Variants in B3GLCT observed in about 807,000 individuals in gnomAD.
The protein encoded by B3GLCT is beta 3-glucosyltransferase, also known as beta-1,3-glucosyltransferase.
Under a neutral mutation model 63.4 loss-of-function variants are expected in B3GLCT, and 65 were observed. The observed-to-expected ratio is 1.03, with a 90% CI of 0.84 to 1.26. The LOEUF (loss-of-function observed/expected upper bound fraction) is 1.26. B3GLCT is among the 50% of genes most tolerant of loss of function. The pLI, the probability that B3GLCT is intolerant of heterozygous loss-of-function variation, is 0.00. For synonymous variants in B3GLCT, 233 were observed against 219.2 expected (o/e 1.06, Z -0.55); for missense variants, 577 against 604.8 (o/e 0.95, Z 0.48).
chr13:31,295,270 T>G (rs1004124611), intron 12 of B3GLCT, among the ~76,000 whole-genome samples: 1 of 152,184 alleles, frequency 6.6e-6, no homozygotes, highest in African/African-American at 2.4e-5. Flanking sequence ...GGGAGGTGTC[T>G]CCCAGTCAGG....
intron 4 of B3GLCT, among the ~76,000 whole-genome samples, chr13:31,233,499 G>C (rs531557673): frequency 3.9e-5 from 6 of 152,242 alleles, no homozygotes; most frequent in Admixed American, 3.9e-4. Flanking sequence ...TGGGGAGGCA[G>C]CTCTGCTCCA....
chr13:31,268,835 C>T (rs540934111), intron 7 of B3GLCT, among the ~76,000 whole-genome samples: 2 of 152,296 alleles, frequency 1.3e-5, no homozygotes, highest in African/African-American at 2.4e-5. Flanking sequence ...AAGTGAGAAA[C>T]AAAAAGTGGC....
At chr13:31,289,942 G>A (rs977291925) in intron 12 of B3GLCT, among the ~76,000 whole-genome samples, 10 of 151,410 alleles carry the variant, frequency 6.6e-5, no homozygotes, top group Non-Finnish European at 8.8e-5. Context: ...AGGTATACAC[G>A]TGCCATGGTG....
chr13:31,232,994 C>T (rs114979306), intron 4 of B3GLCT, among the ~76,000 whole-genome samples: 6,339 of 152,224 alleles, frequency 0.042, 149 homozygotes, highest in Non-Finnish European at 0.05. Flanking sequence ...GCCGTATGTA[C>T]GCATGCATGC....
chr13:31,276,103 G>A (rs1414515453), intron 9 of B3GLCT, among the ~76,000 whole-genome samples: 1 of 152,140 alleles, frequency 6.6e-6, no homozygotes, highest in African/African-American at 2.4e-5. Flanking sequence ...TGTGTGATCA[G>A]CCTGGGCTCC....
At chr13:31,272,126 A>G (rs1038939997) in intron 8 of B3GLCT, among the ~76,000 whole-genome samples, 4 of 151,928 alleles carry the variant, frequency 2.6e-5, no homozygotes, top group Non-Finnish European at 5.9e-5. Context: ...TTTAAACCAG[A>G]TAGCAAATTT....
At chr13:31,252,780 A>G (rs1263883351) in intron 6 of B3GLCT, among the ~76,000 whole-genome samples, 8 of 152,196 alleles carry the variant, frequency 5.3e-5, no homozygotes, top group Non-Finnish European at 8.8e-5. Flanking sequence ...TTAACACCCC[A>G]CTGTCAGTAT....
intron 4 of B3GLCT, among the ~76,000 whole-genome samples, chr13:31,245,691 A>G (rs1268068690): frequency 1.3e-5 from 2 of 152,152 alleles, no homozygotes; most frequent in East Asian, 3.8e-4. Context: ...TTTACCCATA[A>G]TTATTCCAAA....
At chr13:31,244,483 ACT>A (rs1243515458) in intron 4 of B3GLCT, among the ~76,000 whole-genome samples, 2 of 152,094 alleles carry the variant, frequency 1.3e-5, no homozygotes, top group South Asian at 2.1e-4. Flanking sequence ...CAAGAGCGAA[ACT>A]CTGTCTCCAA....
chr13:31,238,045 G>T (rs1405995525), intron 4 of B3GLCT, among the ~76,000 whole-genome samples: 1 of 152,190 alleles, frequency 6.6e-6, no homozygotes, highest in Non-Finnish European at 1.5e-5. Flanking sequence ...AATACCAGAT[G>T]TCTAGAACTG....
At chr13:31,262,964 A>G (rs774623725) in intron 7 of B3GLCT, among the ~76,000 whole-genome samples, 4 of 152,166 alleles carry the variant, frequency 2.6e-5, no homozygotes, top group South Asian at 2.1e-4. Flanking sequence ...CCCATGTGCT[A>G]TGAAGTCCCT....
intron 12 of B3GLCT, among the ~76,000 whole-genome samples, chr13:31,316,267 C>CTT (rs1221685185): frequency 6.6e-6 from 1 of 151,240 alleles, no homozygotes; most frequent in Non-Finnish European, 1.5e-5. Flanking sequence ...GCCGCAAGCA[C>CTT]TTAATACCAG....
intron 3 of B3GLCT, among the ~76,000 whole-genome samples, chr13:31,223,552 T>G (rs1869937396): frequency 6.6e-6 from 1 of 152,168 alleles, no homozygotes; most frequent in African/African-American, 2.4e-5. Context: ...ATTCCTTATT[T>G]GTACTCCTTT....
At position 31,261,012 on chromosome 13, in the gene B3GLCT, G is replaced by A. The variant is rs748104539; in HGVS notation, c.526G>A (p.Glu176Lys). 25 of 1,613,632 alleles carry A rather than the reference G, an allele frequency of 1.5e-5. No homozygotes were observed. The highest frequency in any genetic ancestry group is 1.6e-4 in the Middle Eastern group (1 of 6,078). Residue 176 changes from glutamate to lysine, a missense_variant, in exon 7 of 15, where the codon GAG (glutamate) becomes AAG (lysine). Transcript: ENST00000343307. The stretch of plus-strand genomic sequence containing the variant: ...AATAATTCACCATTATGCCTTTTCC[G>A]AGAATCCTACAGTTTTTAAGTATCC... ...ATIIHHYAFS[E>K]NPTVFKYPDF...
At position 31,276,666 on chromosome 13, in the gene B3GLCT, C is replaced by CACAT. The variant is rs137981677; in HGVS notation, c.781-34_781-31dup. ...TGTGGGTGTGAAGTTAACGCTGACT[C>CACAT]ACATATGCATACATTTTTTCTTTTC... On this transcript the variant is annotated intron_variant, in intron 9 of 14. Transcript: ENST00000343307. 0.17 allele frequency: 238,083 copies of CACAT among 1,383,016 alleles called. 23,083 individuals are homozygous for CACAT. Among genetic ancestry groups the CACAT allele is most frequent in the Non-Finnish European group, 0.19 (185,085 of 972,320 alleles). The allele number at this position is 1,383,016 out of a possible 1,614,324, so 85.7% of individuals were successfully genotyped here.
intron 6 of B3GLCT, among the ~76,000 whole-genome samples, chr13:31,260,059 C>T (rs990625592): frequency 6.6e-6 from 1 of 152,138 alleles, no homozygotes; most frequent in Non-Finnish European, 1.5e-5. Flanking sequence ...GCACATAAAA[C>T]TCACCCTGGT....
chr13:31,250,845 A>G (rs2137811551), intron 6 of B3GLCT, among the ~76,000 whole-genome samples: 2 of 152,326 alleles, frequency 1.3e-5, no homozygotes, highest in Admixed American at 1.3e-4. Flanking sequence ...ATCTCTCAGC[A>G]CAGTGTTTGA....
intron 4 of B3GLCT, among the ~76,000 whole-genome samples, chr13:31,234,655 G>C (rs1050745812): frequency 6.6e-6 from 1 of 152,132 alleles, no homozygotes; most frequent in African/African-American, 2.4e-5. Context: ...TGGGAAGTCA[G>C]GATGGATCAT....
At chr13:31,239,383 G>A (rs1212448848) in intron 4 of B3GLCT, among the ~76,000 whole-genome samples, 2 of 151,870 alleles carry the variant, frequency 1.3e-5, no homozygotes, top group African/African-American at 4.8e-5. Flanking sequence ...CAAACAAAAA[G>A]CAAAGTGGAG....
Sources: allele counts gnomAD v4.1 joint callset (sites outside exome capture counted in the v4.1 genomes callset), GRCh38; gene constraint gnomAD v4.1.1; transcripts MANE v1.5; gene names NCBI Gene and HGNC (gene_info 2026-07-23, HGNC 2026-07-21).